The following MORN3 variants were observed in gnomAD, a reference collection of about 807,000 sequenced individuals.
The protein encoded by MORN3 is MORN repeat-containing protein 3.
In MORN3, 38 loss-of-function variants were observed where a neutral mutation model predicts 34.7. The observed-to-expected ratio is 1.10, with a 90% CI of 0.85 to 1.44. The LOEUF (loss-of-function observed/expected upper bound fraction) is 1.44, where lower values mean the gene tolerates loss of function less well. MORN3 is among the 40% of genes most tolerant of loss of function. The pLI is 0.00. For missense variants in MORN3, 311 were observed against 321.7 expected (o/e 0.97, Z 0.25); for synonymous variants, 109 against 115.3 (o/e 0.95, Z 0.35).
chr12:121,670,627 G>C (rs902018558), upstream of MORN3, among the ~76,000 whole-genome samples: 10 of 151,528 alleles, frequency 6.6e-5, no homozygotes, highest in Non-Finnish European at 7.4e-5. Flanking sequence ...TAGTCAACAT[G>C]GTGAACCCTT....
At chr12:121,657,760 G>C (rs1477965775) in intron 2 of MORN3, among the ~76,000 whole-genome samples, 1 of 151,958 alleles carries the variant, frequency 6.6e-6, no homozygotes, top group Non-Finnish European at 1.5e-5. Context: ...CCAGCTACTC[G>C]GGAGACTGAG....
rs1245393295 is a variant in MORN3 at position 121,659,230 on chromosome 12, C to T, written c.264G>A (p.Arg88=). The T allele has an allele frequency of 6.2e-7, 1 of 1,614,104 alleles. No individual in the cohort carries two copies. Among genetic ancestry groups the T allele is most frequent in the Non-Finnish European group, 8.5e-7 (1 of 1,180,014 alleles). The part of the protein sequence containing the change: ...SLPDQQTGKC[R]RVYSGWWKGD... ...CTTTCCACCAGCCTGAGTAGACTCT[C>T]CTGCACTTTCCTGTCTGTTGGTCAG... The change falls in exon 2 of 6, where the codon AGG becomes AGA. Residue 88 remains arginine (R), a synonymous_variant. Coordinates refer to ENST00000355329, the MANE Select transcript of MORN3 (RefSeq NM_173855.5).
intron 1 of MORN3, among the ~76,000 whole-genome samples, chr12:121,664,575 A>G (rs1205937493): frequency 6.6e-6 from 1 of 152,336 alleles, no homozygotes; most frequent in East Asian, 1.9e-4. Flanking sequence ...CCTGGCCAAC[A>G]TGGCGAAATC....
intron 1 of MORN3, 133 bp downstream of exon 1, chr12:121,669,198 GGCCTGGGC>G: frequency 9.2e-7 from 1 of 1,089,016 alleles, no homozygotes; most frequent in African/African-American, 1.6e-5. Flanking sequence ...GCCCCCAGCT[GGCCTGGGC>G]CAGCGCTCAC....
chr12:121,663,311 G>C (rs925063591), intron 1 of MORN3, among the ~76,000 whole-genome samples: 1 of 150,920 alleles, frequency 6.6e-6, no homozygotes, highest in Admixed American at 6.7e-5. Context: ...CGATTCTCCT[G>C]TCTCAGCCTC....
chr12:121,668,161 C>A (rs2136886427), intron 1 of MORN3, among the ~76,000 whole-genome samples: 1 of 152,060 alleles, frequency 6.6e-6, no homozygotes, highest in South Asian at 2.1e-4. Context: ...TGAGCCACCA[C>A]ACCCAGCCTG....
chr12:121,659,110 C>T, intron 2 of MORN3, 81 bp downstream of exon 2: 1 of 1,536,788 alleles, frequency 6.5e-7, no homozygotes. Flanking sequence ...CCAGGCCTCT[C>T]TCGGCTTCCC....
chr12:121,663,873 G>A (rs1024681466), intron 1 of MORN3, among the ~76,000 whole-genome samples: 1 of 151,988 alleles, frequency 6.6e-6, no homozygotes, highest in Admixed American at 6.6e-5. Flanking sequence ...CTGTTGGGTT[G>A]TTTGCGTTTG....
At chr12:121,657,401 T>C (rs1893443210) in intron 2 of MORN3, among the ~76,000 whole-genome samples, 1 of 152,198 alleles carries the variant, frequency 6.6e-6, no homozygotes, top group African/African-American at 2.4e-5. Flanking sequence ...AACTGATTTA[T>C]GTGATCTTGT....
chr12:121,658,306 C>G (rs1893469127), intron 2 of MORN3, among the ~76,000 whole-genome samples: 2 of 152,132 alleles, frequency 1.3e-5, no homozygotes, highest in Admixed American at 1.3e-4. Flanking sequence ...GTGGCTCACG[C>G]CTGTAATCCC....
At chr12:121,662,453 G>A (rs574585893) in intron 1 of MORN3, among the ~76,000 whole-genome samples, 6 of 151,986 alleles carry the variant, frequency 3.9e-5, no homozygotes, top group South Asian at 4.2e-4. Context: ...ACGACAGAGC[G>A]AGACTGTCTC....
chr12:121,657,828 T>C (rs1432402197), intron 2 of MORN3, among the ~76,000 whole-genome samples: 6 of 151,818 alleles, frequency 4.0e-5, no homozygotes, highest in Non-Finnish European at 7.4e-5. Flanking sequence ...GATCACACCA[T>C]TGCACTCCAG....
At position 121,669,364 on chromosome 12, in the gene MORN3, G is replaced by T. The variant is rs772451982; in HGVS notation, c.120C>A (p.Gly40=). ...VYAVNGDYYV[G]EWKDNVKHGK... ...CGTGTTTCACGTTGTCCTTCCACTC[G>T]CCCACATAGTAGTCGCCATTCACAG... The change falls in exon 1 of 6, where the codon GGC becomes GGA. Residue 40 remains glycine (G), a synonymous_variant. Coordinates refer to ENST00000355329, the MANE Select transcript of MORN3 (RefSeq NM_173855.5). 8 of 1,613,684 alleles carry T rather than the reference G, an allele frequency of 5.0e-6. No individual in the cohort carries two copies. Among genetic ancestry groups the T allele is most frequent in the Non-Finnish European group, 6.8e-6 (8 of 1,179,802 alleles).
chr12:121,672,393 G>A (rs915226384), upstream of MORN3, among the ~76,000 whole-genome samples: 1 of 152,114 alleles, frequency 6.6e-6, no homozygotes, highest in Non-Finnish European at 1.5e-5. Flanking sequence ...CTAGGAGGTC[G>A]GGACTGCAGT....
intron 1 of MORN3, among the ~76,000 whole-genome samples, chr12:121,662,601 A>G (rs1241400688): frequency 6.6e-6 from 1 of 152,066 alleles, no homozygotes; most frequent in Non-Finnish European, 1.5e-5. Context: ...TAAAAATACA[A>G]AAATTAGCTG....
intron 2 of MORN3, 26 bp from the exon 3 acceptor site, chr12:121,654,459 C>G: frequency 1.3e-6 from 2 of 1,549,744 alleles, no homozygotes; most frequent in Non-Finnish European, 1.7e-6. Context: ...TGCTACTACT[C>G]AGGGCGCCCC....
chr12:121,670,931 C>T (rs1361664484), upstream of MORN3, among the ~76,000 whole-genome samples: 40 of 144,966 alleles, frequency 2.8e-4, no homozygotes, highest in Non-Finnish European at 5.2e-4. Flanking sequence ...GCCAACATGG[C>T]GAAACCCTGT....
At chr12:121,663,930 C>CT (rs1893664152) in intron 1 of MORN3, among the ~76,000 whole-genome samples, 1 of 152,080 alleles carries the variant, frequency 6.6e-6, no homozygotes, top group Non-Finnish European at 1.5e-5. Context: ...GGGGACACCA[C>CT]TCTCCCACTC....
chr12:121,653,363 G>A lies in MORN3; in HGVS notation c.464-104C>T, dbSNP rs540797822. ...CAGTGCAAATCCTAACACATTGGGA[G>A]GCCAAGATGGGAGGCTCATAAGCCC... is the stretch of plus-strand genomic sequence containing the variant. On this transcript the variant is annotated intron_variant, in intron 3 of 5. Coordinates refer to ENST00000355329, the MANE Select transcript of MORN3 (RefSeq NM_173855.5). 1.6e-5 allele frequency: 19 copies of A among 1,175,866 alleles called. No homozygotes were observed. The African/African-American group carries it at 2.3e-4, about 14-fold the overall frequency. The allele number at this position is 1,175,866 out of a possible 1,614,324, so 72.8% of individuals were successfully genotyped here.
Sources: allele counts gnomAD v4.1 joint callset (sites outside exome capture counted in the v4.1 genomes callset), GRCh38; gene constraint gnomAD v4.1.1; transcripts MANE v1.5; gene names NCBI Gene and HGNC (gene_info 2026-07-23, HGNC 2026-07-21).